TENT2: variants seen among roughly 807,000 people sequenced by gnomAD.
TENT2 encodes the protein poly(A) RNA polymerase GLD2.
TENT2 carries 44 observed loss-of-function variants against 72.2 expected under a neutral mutation model. The observed-to-expected ratio is 0.61, with a 90% CI of 0.48 to 0.78. TENT2 has a LOEUF of 0.78. Among genes scored for constraint, TENT2 ranks in the 30% least tolerant of loss-of-function variants. The pLI is 0.00. For synonymous variants in TENT2, 212 were observed against 192.5 expected (o/e 1.10, Z -0.84); for missense variants, 541 against 569.6 (o/e 0.95, Z 0.51).
In TENT2 at chr5:79,616,189, AT is replaced by A. The variant is rs1229523040; in HGVS notation, c.-38+3140del. Among the ~76,000 whole-genome samples the A allele has an allele frequency of 7.1e-3, 626 of 88,098 alleles. 2 individuals are homozygous for A. The highest frequency in any genetic ancestry group is 0.024 in the African/African-American group (429 of 17,932). 57.8% of individuals were successfully genotyped at this position (88,098 alleles called of 152,430 possible). On this transcript the variant is annotated intron_variant, in intron 1 of 14. Coordinates refer to ENST00000453514, the MANE Select transcript of TENT2 (RefSeq NM_001114394.3). The stretch of plus-strand genomic sequence containing the variant: ...GGCATGAGCCATTGCACCCGGCCTA[AT>A]TTTTTTTTTTTTTTTTTTTTTTTTT...
intron 4 of TENT2, among the ~76,000 whole-genome samples, chr5:79,627,731 C>T (rs1370602908): frequency 1.3e-5 from 2 of 152,182 alleles, no homozygotes; most frequent in South Asian, 4.1e-4. Context: ...GTGAACCACC[C>T]GCCTCAGCTT....
At position 79,612,530 on chromosome 5, in the gene TENT2, C is replaced by G. The variant is rs915942694; in HGVS notation, c.-583C>G. On this transcript the variant is annotated 5_prime_UTR_variant, in exon 1 of 15. Coordinates refer to ENST00000453514, the MANE Select transcript of TENT2 (RefSeq NM_001114394.3). ...CTTTTTGCTCTTCCGCTTTTTGCCA[C>G]CGCCCCCAACCTTCTATATCCTTGC... 1.3e-5 allele frequency: 2 copies of G among 152,922 alleles called. No individual in the cohort carries two copies. Among genetic ancestry groups the G allele is most frequent in the Non-Finnish European group, 2.9e-5 (2 of 68,320 alleles). 9.5% of individuals were successfully genotyped at this position (152,922 alleles called of 1,614,324 possible). A position where few individuals can be genotyped will look rare whatever the true frequency, so the allele number is the denominator to read the frequency against.
intron 10 of TENT2, among the ~76,000 whole-genome samples, chr5:79,653,164 A>G (rs1029710127): frequency 6.6e-6 from 1 of 152,110 alleles, no homozygotes; most frequent in African/African-American, 2.4e-5. Flanking sequence ...CAGATGCCCC[A>G]ATGTGGTATT....
intron 3 of TENT2, among the ~76,000 whole-genome samples, chr5:79,622,921 A>G (rs1284948797): frequency 1.3e-5 from 2 of 152,098 alleles, no homozygotes; most frequent in African/African-American, 4.8e-5. Flanking sequence ...TATAGTTTGG[A>G]TCTTCTTAGT....
chr5:79,668,985 G>A lies in TENT2; in HGVS notation c.1165G>A (p.Asp389Asn). Residue 389 changes from aspartate to asparagine, a missense_variant, in exon 12 of 15, where the codon GAC becomes AAC. Physicochemically the swap from Asp to Asn is conservative, Grantham distance 23. Transcript: ENST00000453514. ...YLSKNESNLGDLLLGFLKYYA... is the reference protein window; with the variant it reads ...YLSKNESNLGNLLLGFLKYYA... ...CTCAAAGAATGAATCAAACCTTGGG[G>A]ACCTCTTACTGGGCTTTCTTAAATA... The A allele has an allele frequency of 6.2e-7, 1 of 1,613,780 alleles. No individual in the cohort carries two copies. The highest frequency in any genetic ancestry group is 8.5e-7 in the Non-Finnish European group (1 of 1,179,836).
chr5:79,660,381 T>G (rs1221497880), intron 11 of TENT2, among the ~76,000 whole-genome samples: 1 of 152,190 alleles, frequency 6.6e-6, no homozygotes, highest in Non-Finnish European at 1.5e-5. Flanking sequence ...CATATTACTA[T>G]GAGGGTTAAC....
chr5:79,663,516 A>G (rs1804695517), intron 11 of TENT2, among the ~76,000 whole-genome samples: 2 of 152,122 alleles, frequency 1.3e-5, no homozygotes, highest in Non-Finnish European at 2.9e-5. Flanking sequence ...GTATTGTTGC[A>G]TCTCAGAGAA....
chr5:79,666,458 C>G (rs752876770), intron 11 of TENT2, among the ~76,000 whole-genome samples: 9 of 151,270 alleles, frequency 5.9e-5, no homozygotes, highest in Admixed American at 3.9e-4. Flanking sequence ...AGCTGCTTCT[C>G]TCACCTCAGC....
chr5:79,640,996 G>GTA, intron 5 of TENT2, 31 bp downstream of exon 5: 1 of 1,526,034 alleles, frequency 6.6e-7, no homozygotes, highest in South Asian at 1.2e-5. Context: ...TGTCCTTTAG[G>GTA]TATATGCATT....
intron 11 of TENT2, among the ~76,000 whole-genome samples, chr5:79,658,014 G>T (rs6886870): frequency 0.062 from 9,481 of 152,252 alleles, 506 homozygotes; most frequent in Admixed American, 0.16. Context: ...AAGAACCAAT[G>T]TTCTTGGTTT....
intron 12 of TENT2, among the ~76,000 whole-genome samples, chr5:79,679,009 G>A (rs575856362): frequency 2.0e-5 from 3 of 152,200 alleles, no homozygotes; most frequent in African/African-American, 2.4e-5. Context: ...GGGTTCAAGC[G>A]ATTCCCCTGC....
chr5:79,613,881 G>A (rs1414727532), intron 1 of TENT2: 1 of 152,136 alleles, frequency 6.6e-6, no homozygotes, highest in African/African-American at 2.4e-5. Context: ...AAGGTATTTG[G>A]ACAAAATGGA....
At chr5:79,636,427 T>C (rs1193626849) in intron 4 of TENT2, among the ~76,000 whole-genome samples, 3 of 152,202 alleles carry the variant, frequency 2.0e-5, no homozygotes, top group Non-Finnish European at 4.4e-5. Flanking sequence ...ATTCAGTTGA[T>C]CTTTTTTGTT....
chr5:79,683,140 C>G (rs959050897), intron 14 of TENT2, among the ~76,000 whole-genome samples: 2 of 151,824 alleles, frequency 1.3e-5, no homozygotes, highest in Non-Finnish European at 2.9e-5. Context: ...GTGAGAGACT[C>G]CACCTCTAAA....
intron 10 of TENT2, among the ~76,000 whole-genome samples, chr5:79,649,451 T>TGG (rs1791921058): frequency 6.6e-6 from 1 of 150,402 alleles, no homozygotes; most frequent in Non-Finnish European, 1.5e-5. Context: ...CTTTCACCAC[T>TGG]GTATTGTGGA....
At chr5:79,643,038 A>C in intron 7 of TENT2, 128 bp downstream of exon 7, 1 of 1,205,814 alleles carries the variant, frequency 8.3e-7, no homozygotes, top group Non-Finnish European at 1.1e-6. Flanking sequence ...TCTTTTTTCC[A>C]AATGAATTTC....
chr5:79,683,654 G>A (rs1056023950), intron 14 of TENT2, among the ~76,000 whole-genome samples: 2 of 152,130 alleles, frequency 1.3e-5, no homozygotes, highest in Admixed American at 6.5e-5. Context: ...GGTGGCTCAC[G>A]CCTGTAATCC....
intron 4 of TENT2, among the ~76,000 whole-genome samples, chr5:79,631,825 C>T (rs772572974): frequency 1.3e-5 from 2 of 152,054 alleles, no homozygotes; most frequent in Non-Finnish European, 2.9e-5. Flanking sequence ...GGAATGAGTC[C>T]TGTGTATAGG....
At chr5:79,629,235 T>C (rs891401668) in intron 4 of TENT2, among the ~76,000 whole-genome samples, 3 of 152,234 alleles carry the variant, frequency 2.0e-5, no homozygotes, top group African/African-American at 7.2e-5. Flanking sequence ...TTCTATGTTA[T>C]ATTGATACCA....
Sources: gnomAD v4.1 joint callset for allele counts (sites outside exome capture counted in the v4.1 genomes callset) on GRCh38, gnomAD v4.1.1 for gene constraint, MANE v1.5 for transcripts, NCBI Gene and HGNC (gene_info 2026-07-23, HGNC 2026-07-21) for gene names.